The following EXD1 variants were observed in gnomAD, a reference collection of about 807,000 sequenced individuals.
The protein encoded by EXD1 is exonuclease 3'-5' domain containing 1.
EXD1 carries 63 observed loss-of-function variants against 49.1 expected under a neutral mutation model. That is an observed-to-expected ratio of 1.28 (90% CI 1.05 to 1.58). The LOEUF (loss-of-function observed/expected upper bound fraction) is 1.58, where lower values mean the gene tolerates loss of function less well. Among genes scored for constraint, EXD1 ranks in the 40% most tolerant of loss-of-function variants. The pLI is 0.00. For missense variants in EXD1, 748 were observed against 666.0 expected, an observed-to-expected ratio of 1.12 and a Z score of -1.36; for synonymous variants, 234 against 239.2, an observed-to-expected ratio of 0.98 and a Z score of 0.20.
At chr15:41,200,388 T>A (rs1291571297) in intron 7 of EXD1, among the ~76,000 whole-genome samples, 1 of 152,058 alleles carries the variant, frequency 6.6e-6, no homozygotes, top group African/African-American at 2.4e-5. Context: ...TTGGGCGTGG[T>A]GGTGTGCACC....
Position 41,184,383 on chromosome 15 carries a change from C to CTT in EXD1, c.1265_1266dup (p.Ala423LysfsTer14). ...AAGTCTTGAGATGTAAAACTTGGAG[C>CTT]TTTATCTATCCTAAAATTTTTACCA... On this transcript the variant is annotated frameshift_variant, in exon 12 of 12. Transcript: ENST00000458580. LOFTEE classifies it low-confidence loss of function (END_TRUNC). The CTT allele has an allele frequency of 6.2e-7, 1 of 1,614,050 alleles. No individual in the cohort carries two copies. The highest frequency in any genetic ancestry group is 8.5e-7 in the Non-Finnish European group (1 of 1,180,018).
At position 41,184,192 on chromosome 15, in the gene EXD1, T is replaced by C. The variant is rs959702037; in HGVS notation, c.1458A>G (p.Glu486=). 1 of 1,614,114 alleles carries C rather than the reference T, an allele frequency of 6.2e-7. No homozygotes were observed. Among genetic ancestry groups the C allele is most frequent in the Non-Finnish European group, 8.5e-7 (1 of 1,180,048 alleles). The change falls in exon 12 of 12, where the codon GAA becomes GAG. Residue 486 remains glutamate (E), a synonymous_variant. Transcript: ENST00000458580. ...GSEDQRITQK[E]HFMTPKHEFQ... is the part of the protein sequence containing the mutation. ...ACTCATGTTTGGGTGTCATAAAGTG[T>C]TCTTTCTGAGTTATTCTCTGGTCCT...
intron 7 of EXD1, 34 bp downstream of exon 7, chr15:41,209,467 A>G: frequency 6.3e-7 from 1 of 1,587,874 alleles, no homozygotes; most frequent in East Asian, 2.2e-5. Flanking sequence ...CTCTATAATT[A>G]CTTCAAAATA....
At chr15:41,230,337 C>T in intron 1 of EXD1, 142 bp downstream of exon 1, 1 of 776,748 alleles carries the variant, frequency 1.3e-6, no homozygotes, top group East Asian at 2.9e-5. Context: ...CCCACCTCGG[C>T]CTCCCAAAGT....
At chr15:41,221,985 AACT>A (rs2047095685) in intron 2 of EXD1, among the ~76,000 whole-genome samples, 1 of 151,722 alleles carries the variant, frequency 6.6e-6, no homozygotes. Context: ...CTGTAATCCC[AACT>A]ACGTGGGAGG....
At position 41,230,598 on chromosome 15, in the gene EXD1, A is replaced by C; in HGVS notation, c.-173T>G. On this transcript the variant is annotated 5_prime_UTR_variant, in exon 1 of 12. Coordinates refer to ENST00000458580, the MANE Select transcript of EXD1 (RefSeq NM_001286441.2). ...TTCCTCGAACTTCAGTCTAGAACTA[A>C]AAGAAGAGGGGCTGCAATGAAGGAA... 1 of 1,582,476 alleles carries C rather than the reference A, an allele frequency of 6.3e-7. No individual in the cohort carries two copies. The highest frequency in any genetic ancestry group is 8.7e-7 in the Non-Finnish European group (1 of 1,154,052).
At position 41,196,021 on chromosome 15, in the gene EXD1, C is replaced by T. The variant is rs372408655; in HGVS notation, c.551G>A (p.Arg184Gln). ...AAGGAAAATGTCAAATAAGTAAACT[C>T]GGCAATTTGTGGCCACCTACAATAG... ...LCWLQVATNCRVYLFDIFLLG... is the reference protein window; with the variant it reads ...LCWLQVATNCQVYLFDIFLLG... Residue 184 changes from arginine to glutamine, a missense_variant, in exon 8 of 12, where the codon CGA becomes CAA. By Grantham distance (43) the Arg-to-Gln change is conservative (BLOSUM62 1). Transcript: ENST00000458580. The T allele has an allele frequency of 1.3e-4, 209 of 1,612,634 alleles. 1 individual carries two copies. The South Asian group carries it at 2.2e-3, about 17-fold the overall frequency.
At chr15:41,215,320 T>A (rs1275509779) in intron 6 of EXD1, among the ~76,000 whole-genome samples, 2 of 152,116 alleles carry the variant, frequency 1.3e-5, no homozygotes, top group Non-Finnish European at 2.9e-5. Flanking sequence ...GAACAGTGCC[T>A]GGCATATAGG....
chr15:41,225,723 A>G (rs954178121), intron 2 of EXD1, among the ~76,000 whole-genome samples: 2 of 151,720 alleles, frequency 1.3e-5, no homozygotes, highest in African/African-American at 4.8e-5. Context: ...TATTTTTTGT[A>G]CTAAAAATAC....
chr15:41,219,569 A>G, intron 3 of EXD1: 1 of 342,702 alleles, frequency 2.9e-6, no homozygotes, highest in Non-Finnish European at 5.3e-6. Context: ...TAGCAAGACA[A>G]TCCCTTCCTG....
At chr15:41,206,618 CTTTT>C (rs764744329) in intron 7 of EXD1, among the ~76,000 whole-genome samples, 44 of 101,190 alleles carry the variant, frequency 4.3e-4, no homozygotes, top group East Asian at 9.1e-4. Flanking sequence ...TTATTCAATT[CTTTT>C]TTTTTTTTTT....
In EXD1 at chr15:41,191,589, TG is replaced by T. The variant is rs764986360; in HGVS notation, c.721-5del. On this transcript the variant is annotated splice_region_variant and splice_polypyrimidine_tract_variant and intron_variant, in intron 9 of 11. Transcript: ENST00000458580. ...AAAACTGAAGTACATCTGCTACCTG[TG>T]GTATTTTAAAAAGACAAACAGACCA... The T allele has an allele frequency of 3.5e-5, 56 of 1,613,306 alleles. 3 individuals are homozygous for T. In the South Asian group the frequency reaches 5.3e-4, roughly 15 times the overall value.
intron 2 of EXD1, among the ~76,000 whole-genome samples, chr15:41,225,712 G>C (rs1481213653): frequency 6.6e-6 from 1 of 151,596 alleles, no homozygotes; most frequent in East Asian, 1.9e-4. Context: ...CTGTGTTTTT[G>C]TATTTTTTGT....
intron 7 of EXD1, among the ~76,000 whole-genome samples, chr15:41,203,916 CAAAAAAAAAAAA>C (rs1187093511): frequency 0.25 from 5,811 of 23,226 alleles, 267 homozygotes; most frequent in Admixed American, 0.29. Flanking sequence ...GACTTCTCCT[CAAAAAAAAAAAA>C]AAAAAAAAAA....
At position 41,219,061 on chromosome 15, in the gene EXD1, C is replaced by T. The variant is rs75887352; in HGVS notation, c.202+769G>A. Among the ~76,000 whole-genome samples, 213 of 152,096 alleles carry T rather than the reference C, an allele frequency of 1.4e-3. 7 individuals are homozygous for T. In the East Asian group the frequency reaches 0.035, roughly 25 times the overall value. ...ATCCAGCTCCTGATCTGTACTCCTC[C>T]TTAAAGGGCAGAAGCAGAAACCTCC... On this transcript the variant is annotated intron_variant, in intron 3 of 11. Transcript: ENST00000458580.
At chr15:41,186,731 C>G (rs990577096) in intron 11 of EXD1, among the ~76,000 whole-genome samples, 10 of 151,710 alleles carry the variant, frequency 6.6e-5, no homozygotes, top group Non-Finnish European at 1.2e-4. Flanking sequence ...TTTAAATCAT[C>G]CTTACATTTC....
intron 7 of EXD1, among the ~76,000 whole-genome samples, chr15:41,205,532 A>G (rs571182774): frequency 1.1e-4 from 17 of 152,170 alleles, no homozygotes; most frequent in African/African-American, 4.1e-4. Context: ...AATCCCAGCA[A>G]TTTGGAAGGC....
chr15:41,204,103 C>T lies in EXD1; in HGVS notation c.534+5398G>A, dbSNP rs1207774208. On this transcript the variant is annotated intron_variant, in intron 7 of 11. Transcript: ENST00000458580. The stretch of plus-strand genomic sequence containing the variant: ...TCTACTAAAATACAAAAAAAATTAG[C>T]CAGGCATGGTGGCATGCACTTGTAG... Among the ~76,000 whole-genome samples the T allele has an allele frequency of 1.9e-4, 28 of 150,994 alleles. No individual in the cohort carries two copies. In the Admixed American group the frequency reaches 1.9e-3, roughly 10 times the overall value.
In EXD1 at chr15:41,189,973, A is replaced by T. The variant is rs760931450; in HGVS notation, c.1020T>A (p.Tyr340Ter). The T allele has an allele frequency of 1.9e-6, 3 of 1,614,072 alleles. No homozygotes were observed. Among genetic ancestry groups the T allele is most frequent in the Non-Finnish European group, 2.5e-6 (3 of 1,180,000 alleles). Reference sequence around the variant, plus strand: ...CAAGCCGGTCTGCAGACCCTTCGCGATACGTGTTTAGGTAACCATCCACCA... The same window carrying T: ...CAAGCCGGTCTGCAGACCCTTCGCGTTACGTGTTTAGGTAACCATCCACCA... ...TTLVDGYLNTYREGSADRLGG... is the reference protein window; with the variant it reads ...TTLVDGYLNT The change falls in exon 11 of 12, where the codon TAT becomes TAA. Residue 340 changes from tyrosine (Y) to a stop codon, truncating the protein, a stop_gained. Transcript: ENST00000458580. LOFTEE classifies it low-confidence loss of function (END_TRUNC).
Sources: gnomAD v4.1 joint callset for allele counts (sites outside exome capture counted in the v4.1 genomes callset) on GRCh38, gnomAD v4.1.1 for gene constraint, MANE v1.5 for transcripts, NCBI Gene and HGNC (gene_info 2026-07-23, HGNC 2026-07-21) for gene names.